The following NEDD9 variants were observed in gnomAD, a reference collection of about 807,000 sequenced individuals.
The protein encoded by NEDD9 is enhancer of filamentation 1.
A neutral mutation model predicts 76.6 loss-of-function variants in NEDD9; 26 were observed. That is an observed-to-expected ratio of 0.34 (90% CI 0.25 to 0.47). The LOEUF (loss-of-function observed/expected upper bound fraction) is 0.47. Among genes scored for constraint, NEDD9 ranks in the 20% least tolerant of loss-of-function variants. NEDD9 has a pLI of 1.00. For synonymous variants in NEDD9, 392 were observed against 414.2 expected (o/e 0.95, Z 0.65); for missense variants, 937 against 1,058.5 (o/e 0.89, Z 1.59).
chr6:11,221,342 C>T (rs2113772006), intron 1 of NEDD9, among the ~76,000 whole-genome samples: 1 of 148,070 alleles, frequency 6.8e-6, no homozygotes, highest in Non-Finnish European at 1.5e-5. Flanking sequence ...GAGATCACGC[C>T]ATTGCACTCC....
At chr6:11,306,642 A>G (rs940825313) in intron 2 of NEDD9, among the ~76,000 whole-genome samples, 7 of 152,272 alleles carry the variant, frequency 4.6e-5, no homozygotes, top group African/African-American at 1.7e-4. Context: ...CTGAGGCCCC[A>G]CCATCCCCCT....
chr6:11,358,246 CAAAAAAAAAAAAAA>C (rs35011508), intron 1 of NEDD9, among the ~76,000 whole-genome samples: 1 of 61,262 alleles, frequency 1.6e-5, no homozygotes, highest in Admixed American at 2.3e-4. Flanking sequence ...AAGACTCCGT[CAAAAAAAAAAAAAA>C]AAAAAAAAAA....
At chr6:11,322,073 G>T (rs1761820477) in intron 2 of NEDD9, among the ~76,000 whole-genome samples, 1 of 152,150 alleles carries the variant, frequency 6.6e-6, no homozygotes, top group Non-Finnish European at 1.5e-5. Flanking sequence ...AATTAACCCA[G>T]GAACAGAAAA....
intron 1 of NEDD9, among the ~76,000 whole-genome samples, chr6:11,363,692 G>T (rs182986487): frequency 1.3e-5 from 2 of 152,316 alleles, no homozygotes; most frequent in Non-Finnish European, 2.9e-5. Context: ...TTTGAAGAAG[G>T]ATGCTACTTT....
intron 2 of NEDD9, among the ~76,000 whole-genome samples, chr6:11,211,805 C>T (rs540569340): frequency 6.6e-6 from 1 of 152,302 alleles, no homozygotes; most frequent in African/African-American, 2.4e-5. Context: ...GTAAAACATA[C>T]TTTTTATATC....
intron 3 of NEDD9, among the ~76,000 whole-genome samples, chr6:11,302,296 C>T (rs993211241): frequency 2.0e-5 from 3 of 152,178 alleles, no homozygotes; most frequent in Non-Finnish European, 4.4e-5. Flanking sequence ...GACACATACA[C>T]TCTCTCAAGA....
At chr6:11,248,857 T>A (rs1393239299) in intron 3 of NEDD9, 1 of 338,248 alleles carries the variant, frequency 3.0e-6, no homozygotes. Flanking sequence ...AGTACTGGTA[T>A]CTGAGGACTT....
intron 3 of NEDD9, among the ~76,000 whole-genome samples, chr6:11,242,794 G>T (rs777047907): frequency 4.6e-5 from 7 of 152,132 alleles, no homozygotes; most frequent in Non-Finnish European, 8.8e-5. Context: ...AAAACCTGGA[G>T]GCCAGATGAG....
At chr6:11,299,279 G>T (rs1053226386) in intron 3 of NEDD9, among the ~76,000 whole-genome samples, 39 of 152,170 alleles carry the variant, frequency 2.6e-4, no homozygotes, top group African/African-American at 8.9e-4. Context: ...TGCAGCTTGA[G>T]GGGGGGAGGG....
At chr6:11,322,402 G>A (rs1243486821) in intron 2 of NEDD9, among the ~76,000 whole-genome samples, 1 of 152,142 alleles carries the variant, frequency 6.6e-6, no homozygotes, top group East Asian at 1.9e-4. Context: ...TGGCACCTGA[G>A]GACTGAGCTG....
At chr6:11,329,770 G>A (rs1761996591) in intron 2 of NEDD9, among the ~76,000 whole-genome samples, 2 of 151,940 alleles carry the variant, frequency 1.3e-5, no homozygotes, top group East Asian at 1.9e-4. Flanking sequence ...TGGGGGGGGC[G>A]GTGGCTGTTA....
At chr6:11,225,562 T>C (rs7740424) in intron 1 of NEDD9, among the ~76,000 whole-genome samples, 57,548 of 152,010 alleles carry the variant, frequency 0.38, 13,112 homozygotes, top group African/African-American at 0.65. Flanking sequence ...AGTGCAGTGG[T>C]GCAATCTCGG....
chr6:11,342,260 A>C (rs928993015), intron 1 of NEDD9, among the ~76,000 whole-genome samples: 2 of 152,124 alleles, frequency 1.3e-5, no homozygotes, highest in African/African-American at 4.8e-5. Context: ...AGAGAGAGAG[A>C]GAGCAGAAAA....
At chr6:11,221,993 A>G (rs1476877748) in intron 1 of NEDD9, among the ~76,000 whole-genome samples, 1 of 152,226 alleles carries the variant, frequency 6.6e-6, no homozygotes, top group Admixed American at 6.5e-5. Context: ...AGAAATAAGA[A>G]TTAAGTTTTA....
chr6:11,306,131 T>C, exon 3 of NEDD9: 3 of 1,106,894 alleles, frequency 2.7e-6, no homozygotes, highest in Non-Finnish European at 4.2e-6. Context: ...GTGTCTGACA[T>C]TACGGACCTC....
intron 3 of NEDD9, among the ~76,000 whole-genome samples, chr6:11,275,423 GAT>G (rs1437133845): frequency 6.6e-6 from 1 of 152,096 alleles, no homozygotes; most frequent in Non-Finnish European, 1.5e-5. Flanking sequence ...CTAAAAAAAT[GAT>G]ATATGTCAGC....
intron 1 of NEDD9, among the ~76,000 whole-genome samples, chr6:11,363,622 G>T (rs960849771): frequency 6.6e-6 from 1 of 152,148 alleles, no homozygotes; most frequent in Admixed American, 6.5e-5. Context: ...TGGAATGAAA[G>T]GCTCCATCTT....
intron 3 of NEDD9, among the ~76,000 whole-genome samples, chr6:11,272,110 C>T (rs1374577928): frequency 2.0e-5 from 3 of 152,172 alleles, no homozygotes; most frequent in African/African-American, 7.2e-5. Flanking sequence ...AGGACTCTCT[C>T]CCTCTGCTCC....
intron 3 of NEDD9, among the ~76,000 whole-genome samples, chr6:11,300,729 A>G (rs1414861135): frequency 6.6e-6 from 1 of 152,212 alleles, no homozygotes; most frequent in Non-Finnish European, 1.5e-5. Context: ...AAAGAAAAGA[A>G]TTTTCAACCC....
Sources: gnomAD v4.1 joint callset for allele counts (sites outside exome capture counted in the v4.1 genomes callset) on GRCh38, gnomAD v4.1.1 for gene constraint, MANE v1.5 for transcripts, NCBI Gene and HGNC (gene_info 2026-07-23, HGNC 2026-07-21) for gene names.